SCRG1: variants seen among roughly 807,000 people sequenced by gnomAD.
SCRG1 encodes scrapie-responsive protein 1.
In SCRG1, 3 loss-of-function variants were observed where a neutral mutation model predicts 7.7. The observed-to-expected ratio is 0.39, with a 90% CI of 0.18 to 1.01. The LOEUF is 1.01. Among genes scored for constraint, SCRG1 ranks in the 50% least tolerant of loss-of-function variants. The pLI is 0.36. For synonymous variants in SCRG1, 46 were observed against 41.2 expected, an observed-to-expected ratio of 1.12 and a Z score of -0.44; for missense variants, 110 against 117.2, an observed-to-expected ratio of 0.94 and a Z score of 0.28.
At chr4:173,509,018 G>A in the SCRG1 span, among the ~76,000 whole-genome samples, 3 of 152,198 alleles carry the variant, frequency 2.0e-5, no homozygotes, top group African/African-American at 7.2e-5. This position sits in a 1 kb window ranked among gnomAD's most constrained non-coding sequence, Gnocchi z 5.7. Context: ...CGAGCAGCCG[G>A]GTGGTGGTAC....
chr4:173,410,304 G>C (rs1740011629), upstream of SCRG1, among the ~76,000 whole-genome samples: 1 of 152,222 alleles, frequency 6.6e-6, no homozygotes, highest in Non-Finnish European at 1.5e-5. Flanking sequence ...GATTGTGTGA[G>C]TGTAAACCCA....
rs770641300 is a variant in SCRG1, at chr4:173,388,356, A to C, written c.282T>G (p.Pro94=). 6.2e-7 allele frequency: 1 copy of C among 1,612,134 alleles called. No homozygotes were observed. The highest frequency in any genetic ancestry group is 1.1e-5 in the South Asian group (1 of 90,650). Residue 94 remains proline (P), a synonymous_variant, in exon 3 of 3, where the codon CCT becomes CCG. Transcript: ENST00000296506. ...ATGAAGATTCTCATTGATTGTTGCAAGGAATCACGAAAGAGATCTTTGGTC... is the reference window on the plus strand; with the variant it reads ...ATGAAGATTCTCATTGATTGTTGCACGGAATCACGAAAGAGATCTTTGGTC... The part of the protein sequence containing the change: ...FFGPKISFVI[P]CNNQ
chr4:173,400,282 A>T (rs1214983589), upstream of SCRG1, among the ~76,000 whole-genome samples: 1 of 152,198 alleles, frequency 6.6e-6, no homozygotes, highest in Non-Finnish European at 1.5e-5. Context: ...AAATTTTATT[A>T]ACTTTCAAAG....
At chr4:173,426,360 C>T in the SCRG1 span, among the ~76,000 whole-genome samples, 1 of 152,152 alleles carries the variant, frequency 6.6e-6, no homozygotes, top group African/African-American at 2.4e-5. Context: ...CCTCCCCTCC[C>T]CGACTTCTTG....
the SCRG1 span, chr4:173,446,510 G>A: frequency 6.6e-6 from 1 of 152,314 alleles, no homozygotes; most frequent in South Asian, 2.1e-4. Context: ...TTTTGGAGGA[G>A]GAGTTGGGGG....
chr4:173,441,738 A>G, the SCRG1 span, among the ~76,000 whole-genome samples: 4 of 152,202 alleles, frequency 2.6e-5, no homozygotes, highest in Admixed American at 6.5e-5. Flanking sequence ...GGCTGGGTGC[A>G]GTGGCTCACA....
intron 1 of SCRG1, among the ~76,000 whole-genome samples, chr4:173,405,524 C>G (rs561515305): frequency 1.3e-5 from 2 of 152,314 alleles, no homozygotes; most frequent in Non-Finnish European, 2.9e-5. Context: ...TGCTCTACCT[C>G]TTTGAGGGCG....
chr4:173,509,525 G>A, the SCRG1 span, among the ~76,000 whole-genome samples: 1 of 152,196 alleles, frequency 6.6e-6, no homozygotes, highest in African/African-American at 2.4e-5. The surrounding 1 kb of genome is among the most constrained non-coding windows in gnomAD (Gnocchi z 5.7). Flanking sequence ...ACCTGCGCTC[G>A]CAGCCTCTCC....
the SCRG1 span, among the ~76,000 whole-genome samples, chr4:173,483,421 C>T: frequency 9.3e-5 from 3 of 32,318 alleles, no homozygotes; most frequent in African/African-American, 1.8e-4. Context: ...TATATTATAT[C>T]ATGATATAGT....
chr4:173,518,737 G>A, the SCRG1 span, among the ~76,000 whole-genome samples: 1 of 152,144 alleles, frequency 6.6e-6, no homozygotes, highest in Non-Finnish European at 1.5e-5. Context: ...GTTCGAAAAT[G>A]CCTAGGTTGG....
the SCRG1 span, among the ~76,000 whole-genome samples, chr4:173,512,599 C>A: frequency 6.6e-6 from 1 of 152,206 alleles, no homozygotes; most frequent in Non-Finnish European, 1.5e-5. Context: ...GGGTTTGATT[C>A]AACTTAACTG....
the SCRG1 span, among the ~76,000 whole-genome samples, chr4:173,485,028 ATTATATATTATATATTATAT>A: frequency 6.7e-4 from 16 of 23,878 alleles, 4 homozygotes; most frequent in African/African-American, 2.7e-3. Flanking sequence ...TATATAATAT[ATTATATATTATATATTATAT>A]AATATATTAT....
At chr4:173,415,060 A>G in the SCRG1 span, among the ~76,000 whole-genome samples, 2 of 152,256 alleles carry the variant, frequency 1.3e-5, no homozygotes, top group African/African-American at 4.8e-5. Flanking sequence ...ATTTATATGC[A>G]CAATAAAAGC....
the SCRG1 span, among the ~76,000 whole-genome samples, chr4:173,436,922 T>A: frequency 6.6e-6 from 1 of 152,162 alleles, no homozygotes; most frequent in Non-Finnish European, 1.5e-5. Flanking sequence ...CATTTAAGCA[T>A]CTCCCCAGAC....
the SCRG1 span, among the ~76,000 whole-genome samples, chr4:173,475,634 A>G: frequency 2.6e-5 from 4 of 152,350 alleles, no homozygotes; most frequent in South Asian, 8.3e-4. Context: ...GCAGATATCT[A>G]TACACCAATG....
At chr4:173,411,142 C>T (rs763625160), upstream of SCRG1, among the ~76,000 whole-genome samples, 84 of 152,272 alleles carry the variant, frequency 5.5e-4, no homozygotes, top group African/African-American at 1.8e-3. Context: ...AGAGATTTCC[C>T]GTTTTATTGT....
chr4:173,497,830 C>T, the SCRG1 span, among the ~76,000 whole-genome samples: 1 of 151,856 alleles, frequency 6.6e-6, no homozygotes, highest in Admixed American at 6.6e-5. Context: ...ACCACCACGC[C>T]CGGCTAGTTT....
At position 173,384,997 on chromosome 4, in the gene SCRG1, C is replaced by G. The variant is rs1005977480; in HGVS notation, c.*3344G>C. Reference sequence around the variant, plus strand: ...ACTCTAGATGCTAGTGTAAGACTGGCCATATTCAAAATCTGGCTCAATTGC... The same window carrying G: ...ACTCTAGATGCTAGTGTAAGACTGGGCATATTCAAAATCTGGCTCAATTGC... On this transcript the variant is annotated 3_prime_UTR_variant, in exon 3 of 3. Coordinates refer to ENST00000296506, the MANE Select transcript of SCRG1 (RefSeq NM_007281.4). 1.3e-5 allele frequency: 2 copies of G among 152,104 alleles called. No homozygotes were observed. The highest frequency in any genetic ancestry group is 2.9e-5 in the Non-Finnish European group (2 of 67,996). 9.4% of individuals were successfully genotyped at this position (152,104 alleles called of 1,614,324 possible).
chr4:173,398,529 TG>T (rs1320306620), intron 1 of SCRG1: 1 of 152,274 alleles, frequency 6.6e-6, no homozygotes, highest in Non-Finnish European at 1.5e-5. Context: ...GACACTGTTG[TG>T]TTCCAAGAAT....
Sources: allele counts gnomAD v4.1 joint callset (sites outside exome capture counted in the v4.1 genomes callset), GRCh38; gene constraint gnomAD v4.1.1; non-coding constraint Gnocchi (gnomAD v3.1); transcripts MANE v1.5; gene names NCBI Gene and HGNC (gene_info 2026-07-23, HGNC 2026-07-21).